TMEFF2: variants seen among roughly 807,000 people sequenced by gnomAD.
TMEFF2 encodes transmembrane protein with EGF like and two follistatin like domains 2, also known as tomoregulin-2.
A neutral mutation model predicts 53.8 loss-of-function variants in TMEFF2; 28 were observed. The observed-to-expected ratio is 0.52, with a 90% confidence interval of 0.39 to 0.71. TMEFF2 has a LOEUF of 0.71. TMEFF2 is among the 30% of genes least tolerant of loss of function. The probability of loss-of-function intolerance (pLI) is 0.00; values close to 1 mark genes in which losing one functional copy is unlikely to be tolerated. For synonymous variants in TMEFF2, 162 were observed against 166.3 expected (o/e 0.97, Z 0.20); for missense variants, 353 against 455.2 (o/e 0.78, Z 2.04).
chr2:192,157,644 T>TA (rs1690538268), intron 4 of TMEFF2, among the ~76,000 whole-genome samples: 1 of 152,034 alleles, frequency 6.6e-6, no homozygotes, highest in Non-Finnish European at 1.5e-5. Context: ...ATGGCACTTC[T>TA]AAGCTTATTT....
chr2:192,142,215 C>G (rs1180026597), intron 4 of TMEFF2, among the ~76,000 whole-genome samples: 2 of 152,046 alleles, frequency 1.3e-5, no homozygotes, highest in East Asian at 3.9e-4. Flanking sequence ...ATGTTTGTTA[C>G]ATGTAGATTT....
chr2:192,065,668 T>C (rs567267313), intron 4 of TMEFF2, among the ~76,000 whole-genome samples: 1 of 151,850 alleles, frequency 6.6e-6, no homozygotes, highest in African/African-American at 2.4e-5. Context: ...TTTACATAAA[T>C]AAATGATGAG....
chr2:192,161,856 T>G (rs999467470), intron 4 of TMEFF2, among the ~76,000 whole-genome samples: 28 of 152,162 alleles, frequency 1.8e-4, no homozygotes, highest in Non-Finnish European at 2.9e-5. Flanking sequence ...AGAGGAAGTG[T>G]GATTCTTTTT....
At chr2:192,126,246 C>T (rs185281638) in intron 4 of TMEFF2, among the ~76,000 whole-genome samples, 33 of 152,274 alleles carry the variant, frequency 2.2e-4, no homozygotes, top group Admixed American at 2.0e-3. Context: ...TTACTTTCTA[C>T]ATAAAATAGA....
chr2:191,949,812 G>A lies in TMEFF2; in HGVS notation c.*499C>T. The A allele has an allele frequency of 2.0e-6, 2 of 985,188 alleles. No homozygotes were observed. The highest frequency in any genetic ancestry group is 2.4e-6 in the Non-Finnish European group (2 of 829,758). The allele number at this position is 985,188 out of a possible 1,614,324, so 61.0% of individuals were successfully genotyped here. A position where few individuals can be genotyped will look rare whatever the true frequency, so the allele number is the denominator to read the frequency against. ...GATCGGAAATATTTTATCCTCACTC[G>A]ATATAAAGTAAATTATTTTTTCTCT... On this transcript the variant is annotated 3_prime_UTR_variant, in exon 10 of 10. Transcript: ENST00000272771.
At chr2:192,134,033 G>A (rs1304470093) in intron 4 of TMEFF2, among the ~76,000 whole-genome samples, 1 of 152,118 alleles carries the variant, frequency 6.6e-6, no homozygotes, top group Non-Finnish European at 1.5e-5. Context: ...TGACCTTACT[G>A]TTTTAGCCTA....
At chr2:191,992,246 C>G (rs2105827501) in intron 7 of TMEFF2, among the ~76,000 whole-genome samples, 1 of 152,162 alleles carries the variant, frequency 6.6e-6, no homozygotes, top group East Asian at 1.9e-4. Flanking sequence ...TCCTACAGAT[C>G]AAATTATTGG....
At chr2:192,008,456 C>T (rs569522111) in intron 5 of TMEFF2, among the ~76,000 whole-genome samples, 1 of 152,278 alleles carries the variant, frequency 6.6e-6, no homozygotes, top group East Asian at 1.9e-4. Context: ...AACAATTCTT[C>T]CTCATGTACG....
chr2:192,189,435 C>T (rs989111378), intron 2 of TMEFF2, among the ~76,000 whole-genome samples: 10 of 151,114 alleles, frequency 6.6e-5, no homozygotes, highest in African/African-American at 2.4e-4. Flanking sequence ...TTCCCAGCTA[C>T]TCGGGAGGCT....
chr2:192,168,815 T>G (rs1043906076), intron 4 of TMEFF2, among the ~76,000 whole-genome samples: 1 of 152,104 alleles, frequency 6.6e-6, no homozygotes, highest in Non-Finnish European at 1.5e-5. Flanking sequence ...TAAGCACACT[T>G]TCTTTTTAAA....
chr2:192,075,292 T>TATATATATATAA (rs1368247532), intron 4 of TMEFF2, among the ~76,000 whole-genome samples: 10 of 28,400 alleles, frequency 3.5e-4, no homozygotes, highest in South Asian at 1.8e-3. Flanking sequence ...CTATTATATA[T>TATATATATATAA]ATATATATAT....
chr2:192,087,092 ATATACT>A (rs1275858172), intron 4 of TMEFF2, among the ~76,000 whole-genome samples: 1 of 151,230 alleles, frequency 6.6e-6, no homozygotes, highest in East Asian at 1.9e-4. Flanking sequence ...TTATAAACAA[ATATACT>A]TATTTATACC....
chr2:192,001,733 T>C (rs186242476), intron 5 of TMEFF2, among the ~76,000 whole-genome samples: 176 of 141,842 alleles, frequency 1.2e-3, no homozygotes, highest in Middle Eastern at 7.1e-3. Flanking sequence ...GCACAAGCTC[T>C]CTTCTCTTGT....
chr2:191,983,597 C>A (rs545131421), intron 7 of TMEFF2, among the ~76,000 whole-genome samples: 1 of 152,042 alleles, frequency 6.6e-6, no homozygotes, highest in African/African-American at 2.4e-5. Context: ...TTATAACATG[C>A]CTCTTATTAA....
At chr2:191,981,143 A>C (rs1231564956) in intron 7 of TMEFF2, among the ~76,000 whole-genome samples, 1 of 152,110 alleles carries the variant, frequency 6.6e-6, no homozygotes, top group Non-Finnish European at 1.5e-5. Flanking sequence ...ATTGAGCAGA[A>C]GATAAATTTT....
intron 4 of TMEFF2, among the ~76,000 whole-genome samples, chr2:192,128,128 T>C (rs1404128113): frequency 7.5e-6 from 1 of 132,942 alleles, no homozygotes; most frequent in Non-Finnish European, 1.6e-5. Flanking sequence ...TAAACTTAGG[T>C]CCAAATAAAT....
intron 7 of TMEFF2, among the ~76,000 whole-genome samples, chr2:191,996,520 A>G (rs1043355035): frequency 3.3e-5 from 5 of 151,894 alleles, no homozygotes; most frequent in African/African-American, 4.8e-5. Context: ...AATTTAAAAT[A>G]TATACAATTA....
At chr2:192,121,116 A>AC (rs763210683) in intron 4 of TMEFF2, among the ~76,000 whole-genome samples, 215 of 129,954 alleles carry the variant, frequency 1.7e-3, no homozygotes, top group Middle Eastern at 4.0e-3. Flanking sequence ...ACAAAAGAAA[A>AC]CAAAAAAAAC....
chr2:192,104,182 G>A (rs760043097), intron 4 of TMEFF2, among the ~76,000 whole-genome samples: 9 of 152,110 alleles, frequency 5.9e-5, no homozygotes, highest in East Asian at 1.9e-4. Flanking sequence ...TTCTAAGTAC[G>A]CTGAATTTAT....
Sources: gnomAD v4.1 joint callset for allele counts (sites outside exome capture counted in the v4.1 genomes callset) on GRCh38, gnomAD v4.1.1 for gene constraint, MANE v1.5 for transcripts, NCBI Gene and HGNC (gene_info 2026-07-23, HGNC 2026-07-21) for gene names.